Variants in SPCS2 observed in about 807,000 individuals in gnomAD.
SPCS2 encodes SPase 25 kDa subunit.
Under a neutral mutation model 22.3 loss-of-function variants are expected in SPCS2, and 3 were observed. That is an observed-to-expected ratio of 0.13 (90% CI 0.06 to 0.35). The LOEUF (loss-of-function observed/expected upper bound fraction) is 0.35. Among genes scored for constraint, SPCS2 ranks in the 10% least tolerant of loss-of-function variants. The pLI is 1.00. For synonymous variants in SPCS2, 67 were observed against 97.2 expected (o/e 0.69, Z 1.83); for missense variants, 169 against 280.9 (o/e 0.60, Z 2.85).
chr11:74,959,656 G>A (rs1948500724), intron 1 of SPCS2, among the ~76,000 whole-genome samples: 1 of 152,146 alleles, frequency 6.6e-6, no homozygotes, highest in Admixed American at 6.5e-5. Flanking sequence ...TTCCACCTTG[G>A]CCTCCCAAAG....
intron 1 of SPCS2, among the ~76,000 whole-genome samples, chr11:74,955,851 A>AAAATATATATATATATATATAT (rs1488259033): frequency 1.8e-5 from 1 of 55,592 alleles, no homozygotes; most frequent in Admixed American, 3.4e-4. Context: ...TACTAATTAA[A>AAAATATATATATATATATATAT]ATATATATAT....
intron 1 of SPCS2, among the ~76,000 whole-genome samples, chr11:74,963,933 C>CCCTGTT (rs1565486201): frequency 6.6e-6 from 1 of 152,150 alleles, no homozygotes; most frequent in Non-Finnish European, 1.5e-5. Flanking sequence ...ATTTGTAGCA[C>CCCTGTT]CCTGTTCCTC....
At chr11:74,972,289 C>T (rs1948589184) in intron 4 of SPCS2, among the ~76,000 whole-genome samples, 1 of 152,158 alleles carries the variant, frequency 6.6e-6, no homozygotes, top group Non-Finnish European at 1.5e-5. Context: ...GACTTGAACT[C>T]GTGACCTCAA....
intron 1 of SPCS2, among the ~76,000 whole-genome samples, chr11:74,963,159 T>C (rs1948523735): frequency 6.6e-6 from 1 of 152,248 alleles, no homozygotes; most frequent in East Asian, 1.9e-4. Context: ...ACAGTGTAAA[T>C]GAGCTATCTA....
intron 1 of SPCS2, among the ~76,000 whole-genome samples, chr11:74,958,507 T>TG (rs1003877470): frequency 6.6e-6 from 1 of 152,202 alleles, no homozygotes; most frequent in African/African-American, 2.4e-5. Context: ...AATATGTGTG[T>TG]GTGGGGGGGA....
At chr11:74,963,744 C>A in intron 1 of SPCS2, 1 of 219,840 alleles carries the variant, frequency 4.5e-6, no homozygotes, top group Non-Finnish European at 9.6e-6. Flanking sequence ...TACTTGTGCT[C>A]AATCCGAAAG....
At chr11:74,964,274 C>G (rs143320244) in intron 1 of SPCS2, among the ~76,000 whole-genome samples, 43 of 152,306 alleles carry the variant, frequency 2.8e-4, no homozygotes, top group Non-Finnish European at 4.3e-4. Flanking sequence ...GGTGCTGTAA[C>G]ATTTTGAACT....
chr11:74,965,614 T>G, intron 2 of SPCS2, 149 bp from the exon 3 acceptor site: 1 of 637,662 alleles, frequency 1.6e-6, no homozygotes, highest in Non-Finnish European at 2.6e-6. Flanking sequence ...ATAGAAGGCT[T>G]GAGTTTTACT....
chr11:74,956,724 A>C (rs769222201), intron 1 of SPCS2, among the ~76,000 whole-genome samples: 34 of 152,216 alleles, frequency 2.2e-4, no homozygotes, highest in Admixed American at 5.9e-4. Flanking sequence ...TTCCCATCTC[A>C]GTTAGCTAAA....
At chr11:74,950,243 GCT>G (rs1468564627) in intron 1 of SPCS2, among the ~76,000 whole-genome samples, 1 of 152,094 alleles carries the variant, frequency 6.6e-6, no homozygotes, top group African/African-American at 2.4e-5. Flanking sequence ...AAATATGCTT[GCT>G]CTCTCTATAT....
chr11:74,976,822 G>A (rs1395060463), intron 4 of SPCS2, 35 bp from the exon 5 acceptor site: 1 of 1,612,508 alleles, frequency 6.2e-7, no homozygotes, highest in Non-Finnish European at 8.5e-7. Context: ...CTCTGTGTTT[G>A]GTTTTTAATT....
chr11:74,951,206 G>A (rs892253947), intron 1 of SPCS2, among the ~76,000 whole-genome samples: 20 of 152,170 alleles, frequency 1.3e-4, no homozygotes, highest in African/African-American at 4.8e-4. Context: ...ATGAAGATTG[G>A]CAAGTCACTT....
intron 1 of SPCS2, among the ~76,000 whole-genome samples, chr11:74,964,478 G>A (rs1464517374): frequency 2.0e-5 from 3 of 152,204 alleles, no homozygotes; most frequent in African/African-American, 7.2e-5. Flanking sequence ...CTATCTTAAA[G>A]TTAAGACATG....
chr11:74,949,776 C>G (rs3829935), intron 1 of SPCS2: 29,785 of 404,540 alleles, frequency 0.074, 1,829 homozygotes, highest in South Asian at 0.2. Context: ...AATCAGTATC[C>G]CCCAAACTCT....
chr11:74,969,732 G>A (rs1266663440), intron 4 of SPCS2, 33 bp downstream of exon 4: 1 of 1,612,870 alleles, frequency 6.2e-7, no homozygotes, highest in Non-Finnish European at 8.5e-7. Flanking sequence ...TTAAATCCTG[G>A]TGTTGGATTT....
chr11:74,954,188 G>T (rs1279979935), intron 1 of SPCS2, among the ~76,000 whole-genome samples: 2 of 152,132 alleles, frequency 1.3e-5, no homozygotes, highest in Non-Finnish European at 2.9e-5. Flanking sequence ...AAGCTATTCT[G>T]CTTAATAGTG....
Position 74,978,309 on chromosome 11 carries a change from T to A in SPCS2, c.*1266T>A, listed in dbSNP as rs1948627497. ...TTTCCTGTTTGTCTTGGAGAGGTTG[T>A]CCTATCTCGCACCACATGGTAGGGA... is the stretch of plus-strand genomic sequence containing the variant. On this transcript the variant is annotated 3_prime_UTR_variant, in exon 5 of 5. Transcript: ENST00000263672. 6.6e-6 allele frequency: 1 copy of A among 152,246 alleles called. No homozygotes were observed. Among genetic ancestry groups the A allele is most frequent in the Non-Finnish European group, 1.5e-5 (1 of 68,048 alleles). 9.4% of individuals were successfully genotyped at this position (152,246 alleles called of 1,614,324 possible). A position where few individuals can be genotyped will look rare whatever the true frequency, so the allele number is the denominator to read the frequency against.
intron 3 of SPCS2, among the ~76,000 whole-genome samples, chr11:74,968,711 C>T (rs1456401477): frequency 6.6e-6 from 1 of 151,876 alleles, no homozygotes; most frequent in East Asian, 1.9e-4. Flanking sequence ...TTGGTAGAGA[C>T]ATGGGGTTTC....
intron 1 of SPCS2, 39 bp from the exon 2 acceptor site, chr11:74,964,995 C>A: frequency 7.1e-7 from 1 of 1,404,676 alleles, no homozygotes; most frequent in South Asian, 1.3e-5. Context: ...AGTAAGAGGC[C>A]AGGTTTCTTG....
Sources: gnomAD v4.1 joint callset for allele counts (sites outside exome capture counted in the v4.1 genomes callset) on GRCh38, gnomAD v4.1.1 for gene constraint, MANE v1.5 for transcripts, NCBI Gene and HGNC (gene_info 2026-07-23, HGNC 2026-07-21) for gene names.